RBL2: variants seen among roughly 807,000 people sequenced by gnomAD.
RBL2 encodes the protein retinoblastoma-like protein 2.
RBL2 carries 56 observed loss-of-function variants against 126.0 expected under a neutral mutation model. The ratio of observed to expected loss-of-function variants is 0.44; its 90% CI spans 0.36 to 0.56. The LOEUF (loss-of-function observed/expected upper bound fraction) is 0.56, where lower values mean the gene tolerates loss of function less well. Ranked by LOEUF, RBL2 falls within the 20% of genes least tolerant of loss-of-function variation. The probability of loss-of-function intolerance (pLI) is 0.00; values close to 1 mark genes in which losing one functional copy is unlikely to be tolerated. For missense variants in RBL2, 1,229 were observed against 1,398.2 expected, an observed-to-expected ratio of 0.88 and a Z score of 1.93; for synonymous variants, 454 against 478.5, an observed-to-expected ratio of 0.95 and a Z score of 0.67.
chr16:53,451,324 A>G (rs2058112588), intron 4 of RBL2, among the ~76,000 whole-genome samples: 1 of 152,156 alleles, frequency 6.6e-6, no homozygotes, highest in African/African-American at 2.4e-5. Context: ...TGGGCAACAT[A>G]GCAAGACTCC....
Position 53,482,554 on chromosome 16 carries a change from AATC to A in RBL2, c.3249+720_3249+722del, listed in dbSNP as rs1292269047. Among the ~76,000 whole-genome samples, 5 of 152,332 alleles carry A rather than the reference AATC, an allele frequency of 3.3e-5. No homozygotes were observed. The South Asian group carries it at 1.0e-3, about 32-fold the overall frequency. On this transcript the variant is annotated intron_variant, in intron 21 of 21. Coordinates refer to ENST00000262133, the MANE Select transcript of RBL2 (RefSeq NM_005611.4). ...GCTGGGCGTTGTGGCTCACACCTGT[AATC>A]CCAACACTTTGGGAGGCCACAGTGG...
chr16:53,451,373 G>A (rs185730427), intron 4 of RBL2, among the ~76,000 whole-genome samples: 4 of 152,070 alleles, frequency 2.6e-5, no homozygotes, highest in Non-Finnish European at 4.4e-5. Flanking sequence ...ATGTGTGGTG[G>A]CGTGTACCTG....
intron 5 of RBL2, among the ~76,000 whole-genome samples, chr16:53,452,916 C>T (rs532824365): frequency 6.6e-6 from 1 of 152,220 alleles, no homozygotes; most frequent in South Asian, 2.1e-4. Context: ...GCGATGTACC[C>T]ACCTTGGCCT....
intron 3 of RBL2, among the ~76,000 whole-genome samples, chr16:53,443,891 C>T (rs925264017): frequency 2.0e-5 from 3 of 152,092 alleles, no homozygotes; most frequent in African/African-American, 7.2e-5. Flanking sequence ...ATATAGATGG[C>T]ACCACTGATA....
chr16:53,469,626 T>C (rs1272286335), intron 14 of RBL2, among the ~76,000 whole-genome samples: 1 of 152,188 alleles, frequency 6.6e-6, no homozygotes, highest in Non-Finnish European at 1.5e-5. Flanking sequence ...GAAGGTTCTT[T>C]AGTAGTGGAA....
At chr16:53,465,877 G>C in intron 13 of RBL2, 2 of 242,798 alleles carry the variant, frequency 8.2e-6, no homozygotes, top group Non-Finnish European at 1.6e-5. Flanking sequence ...AAAAATAAAA[G>C]ACTTATATAC....
chr16:53,459,075 AGCT>A (rs1334560117), intron 8 of RBL2, among the ~76,000 whole-genome samples: 2 of 152,194 alleles, frequency 1.3e-5, no homozygotes, highest in Admixed American at 1.3e-4. Context: ...TGTTTCTCAG[AGCT>A]GAGAATAATC....
intron 15 of RBL2, 44 bp from the exon 16 acceptor site, chr16:53,470,339 C>G: frequency 1.3e-6 from 2 of 1,596,208 alleles, no homozygotes; most frequent in Non-Finnish European, 1.7e-6. Flanking sequence ...CGGAGAACCT[C>G]TTATTATCAA....
intron 17 of RBL2, among the ~76,000 whole-genome samples, chr16:53,472,911 T>A (rs1960576982): frequency 6.6e-6 from 1 of 152,296 alleles, no homozygotes; most frequent in East Asian, 1.9e-4. Context: ...CCATTCTGAT[T>A]ATGTGGTTGT....
At chr16:53,486,124 T>TG (rs1409709376) in intron 21 of RBL2, among the ~76,000 whole-genome samples, 2 of 90,282 alleles carry the variant, frequency 2.2e-5, no homozygotes, top group African/African-American at 5.7e-5. Context: ...ACCTTGTCTC[T>TG]GAAAAAAAAA....
At chr16:53,440,596 C>G (rs752143929) in intron 2 of RBL2, among the ~76,000 whole-genome samples, 14 of 152,116 alleles carry the variant, frequency 9.2e-5, no homozygotes, top group Non-Finnish European at 1.6e-4. Flanking sequence ...CTGTTTCACC[C>G]AGGCCAGGGT....
intron 20 of RBL2, chr16:53,481,272 T>G (rs1960934485): frequency 5.6e-6 from 1 of 179,952 alleles, no homozygotes; most frequent in Non-Finnish European, 1.2e-5. Flanking sequence ...AAGATTGTAT[T>G]TGGAGTCCCT....
intron 21 of RBL2, among the ~76,000 whole-genome samples, chr16:53,483,307 T>C (rs947392666): frequency 6.6e-6 from 1 of 152,120 alleles, no homozygotes; most frequent in Non-Finnish European, 1.5e-5. Context: ...ACGCCTGTAA[T>C]CCCAACATTT....
intron 21 of RBL2, 65 bp downstream of exon 21, chr16:53,481,900 T>A: frequency 6.6e-7 from 1 of 1,512,612 alleles, no homozygotes; most frequent in Non-Finnish European, 9.2e-7. Flanking sequence ...GAAACAGGGT[T>A]TGTGCTAAGC....
intron 21 of RBL2, chr16:53,487,643 A>G (rs1432628421): frequency 6.6e-6 from 1 of 152,236 alleles, no homozygotes; most frequent in South Asian, 2.1e-4. Context: ...TTTTATATAC[A>G]ACATCAAAAG....
At chr16:53,458,222 G>A (rs2150800869) in intron 8 of RBL2, among the ~76,000 whole-genome samples, 1 of 152,296 alleles carries the variant, frequency 6.6e-6, no homozygotes, top group East Asian at 1.9e-4. Flanking sequence ...TCTGTTGCCA[G>A]GTGAAAGTTT....
intron 11 of RBL2, among the ~76,000 whole-genome samples, chr16:53,463,561 CTTTT>C (rs770657237): frequency 5.3e-5 from 5 of 94,402 alleles, no homozygotes; most frequent in African/African-American, 8.7e-5. Flanking sequence ...TTTTTTTTTC[CTTTT>C]TTTTTTTTTT....
Position 53,439,978 on chromosome 16 carries a change from A to G in RBL2, c.371+832A>G, listed in dbSNP as rs1489195544. ...CCAAAAAAAAAAAAAAAAAAAAAAAAGAAGGTTACTATTAAAATAATTAGC... is the reference window on the plus strand; with the variant it reads ...CCAAAAAAAAAAAAAAAAAAAAAAAGGAAGGTTACTATTAAAATAATTAGC... On this transcript the variant is annotated intron_variant, in intron 2 of 21. Transcript: ENST00000262133. Among the ~76,000 whole-genome samples, 3 of 138,712 alleles carry G rather than the reference A, an allele frequency of 2.2e-5. No homozygotes were observed. The East Asian group carries it at 6.0e-4, about 28-fold the overall frequency. 91.0% of individuals were successfully genotyped at this position (138,712 alleles called of 152,430 possible).
intron 20 of RBL2, 129 bp from the exon 21 acceptor site, chr16:53,481,541 TA>T: frequency 1.2e-6 from 1 of 828,840 alleles, no homozygotes; most frequent in Admixed American, 3.2e-5. Context: ...TAGGTTAAGT[TA>T]TTGCTAATAC....
Sources: allele counts gnomAD v4.1 joint callset (sites outside exome capture counted in the v4.1 genomes callset), GRCh38; gene constraint gnomAD v4.1.1; transcripts MANE v1.5; gene names NCBI Gene and HGNC (gene_info 2026-07-23, HGNC 2026-07-21).